CYP27C1: variants seen among roughly 807,000 people sequenced by gnomAD.
The protein encoded by CYP27C1 is cytochrome P450 family 27 subfamily C member 1.
CYP27C1 carries 29 observed loss-of-function variants against 40.6 expected under a neutral mutation model. The ratio of observed to expected loss-of-function variants is 0.71; its 90% CI spans 0.53 to 0.97. The LOEUF (loss-of-function observed/expected upper bound fraction) is 0.97. CYP27C1 is among the 50% of genes least tolerant of loss of function. The pLI is 0.00. For synonymous variants in CYP27C1, 198 were observed against 186.8 expected, an observed-to-expected ratio of 1.06 and a Z score of -0.49; for missense variants, 390 against 485.8, an observed-to-expected ratio of 0.80 and a Z score of 1.85.
chr2:127,205,714 G>A (rs912401672), intron 2 of CYP27C1, 186 bp downstream of exon 2: 31 of 985,424 alleles, frequency 3.1e-5, no homozygotes, highest in Middle Eastern at 5.2e-4. Flanking sequence ...GCACGGAGGA[G>A]GAGCCAGAAA....
In CYP27C1 at chr2:127,218,785, C is replaced by A. The variant is rs932382660; in HGVS notation, c.282+1204G>T. On this transcript the variant is annotated intron_variant, in intron 1 of 8. Coordinates refer to ENST00000664447, the MANE Select transcript of CYP27C1 (RefSeq NM_001367502.1). The surrounding 1 kb of genome is among the most constrained non-coding windows in gnomAD (Gnocchi z 6.0). ...AGAAGGGGGCGTTCTCGGAAGACAC[C>A]AAAAGCCCCCATACCAGAAATAACA... Among the ~76,000 whole-genome samples the A allele has an allele frequency of 2.4e-4, 36 of 152,146 alleles. 1 individual carries two copies. Among genetic ancestry groups the A allele is most frequent in the African/African-American group, 8.7e-4 (36 of 41,442 alleles).
chr2:127,193,913 A>G (rs1682844451), intron 6 of CYP27C1, 46 bp from the exon 7 acceptor site: 4 of 1,604,332 alleles, frequency 2.5e-6, no homozygotes, highest in Non-Finnish European at 3.4e-6. Context: ...TGACTTTCAC[A>G]GTATTTTATT....
chr2:127,211,963 C>A (rs1683347029), intron 1 of CYP27C1, among the ~76,000 whole-genome samples: 1 of 151,904 alleles, frequency 6.6e-6, no homozygotes, highest in Non-Finnish European at 1.5e-5. Context: ...CAAATAGACA[C>A]AATAAAAAAT....
At position 127,195,287 on chromosome 2, in the gene CYP27C1, G is replaced by C; in HGVS notation, c.1214+48C>G. 6.2e-7 allele frequency: 1 copy of C among 1,610,956 alleles called. No homozygotes were observed. The highest frequency in any genetic ancestry group is 8.5e-7 in the Non-Finnish European group (1 of 1,178,196). On this transcript the variant is annotated intron_variant, in intron 6 of 8. Transcript: ENST00000664447. This position sits in a 1 kb window ranked among gnomAD's most constrained non-coding sequence, Gnocchi z 6.2. ...GAGGACTTGTTGTGATAGAGAACCA[G>C]GGACCTAAGGGACACAGTTTGTTGA...
Position 127,200,013 on chromosome 2 carries a change from T to C in CYP27C1, c.884-474A>G, listed in dbSNP as rs1409931427. On this transcript the variant is annotated intron_variant, in intron 4 of 8. Transcript: ENST00000664447. This position sits in a 1 kb window ranked among gnomAD's most constrained non-coding sequence, Gnocchi z 4.2. ...TTGTTTCCTTAAGACAGAGGCTCGC[T>C]CTGTGGCCCAGGCTGGAGTGCAGTG... is the stretch of plus-strand genomic sequence containing the variant. Among the ~76,000 whole-genome samples the C allele has an allele frequency of 1.3e-5, 2 of 152,202 alleles. No homozygotes were observed. The highest frequency in any genetic ancestry group is 6.5e-5 in the Admixed American group (1 of 15,282).
At chr2:127,211,507 C>G (rs371760010) in intron 1 of CYP27C1, among the ~76,000 whole-genome samples, 1 of 151,412 alleles carries the variant, frequency 6.6e-6, no homozygotes, top group Non-Finnish European at 1.5e-5. Flanking sequence ...CTCAACCTCC[C>G]GAGTAGCTGG....
rs1682587120 is a variant in CYP27C1, at chr2:127,184,991, T to C, written c.*2280A>G. 1 of 152,214 alleles carries C rather than the reference T, an allele frequency of 6.6e-6. No individual in the cohort carries two copies. The highest frequency in any genetic ancestry group is 6.6e-5 in the Admixed American group (1 of 15,262). The allele number at this position is 152,214 out of a possible 1,614,324, so 9.4% of individuals were successfully genotyped here. On this transcript the variant is annotated 3_prime_UTR_variant, in exon 9 of 9. Coordinates refer to ENST00000664447, the MANE Select transcript of CYP27C1 (RefSeq NM_001367502.1). ...TGCACCACCACACTCAGCTAAGTTT[T>C]TTGATTTTTAGTAGACAGGATCTCA...
intron 2 of CYP27C1, among the ~76,000 whole-genome samples, chr2:127,204,137 GC>G (rs1683102107): frequency 6.6e-6 from 1 of 151,184 alleles, no homozygotes; most frequent in Admixed American, 6.6e-5. Context: ...GTGGTGGTGG[GC>G]ACCTGTAATT....
At chr2:127,204,468 G>GA (rs1558930964) in intron 2 of CYP27C1, among the ~76,000 whole-genome samples, 1 of 58,630 alleles carries the variant, frequency 1.7e-5, no homozygotes, top group Non-Finnish European at 3.4e-5. Context: ...AAGAAAGAAA[G>GA]AAAGAAAGAA....
At chr2:127,203,304 G>T in intron 3 of CYP27C1, 68 bp downstream of exon 3, 1 of 1,541,564 alleles carries the variant, frequency 6.5e-7, no homozygotes, top group South Asian at 1.2e-5. Flanking sequence ...AATGATCCAA[G>T]ATGACATCTG....
chr2:127,206,916 C>T (rs1056178870), intron 1 of CYP27C1, among the ~76,000 whole-genome samples: 4 of 152,148 alleles, frequency 2.6e-5, no homozygotes, highest in Non-Finnish European at 4.4e-5. Flanking sequence ...GAAAATCCTA[C>T]GGAACCTACT....
chr2:127,194,831 A>C (rs2104678700), intron 6 of CYP27C1, among the ~76,000 whole-genome samples: 1 of 150,644 alleles, frequency 6.6e-6, no homozygotes, highest in South Asian at 2.1e-4. Context: ...ACTGCTCCAA[A>C]GATCTTTTTT....
At chr2:127,187,741 C>T (rs996441812) in intron 8 of CYP27C1, among the ~76,000 whole-genome samples, 1 of 152,154 alleles carries the variant, frequency 6.6e-6, no homozygotes, top group African/African-American at 2.4e-5. Context: ...ATCAAAGGAG[C>T]AGGGGGAAAT....
At chr2:127,189,635 A>AAAG (rs1553501651) in intron 8 of CYP27C1, among the ~76,000 whole-genome samples, 4 of 152,008 alleles carry the variant, frequency 2.6e-5, no homozygotes, top group South Asian at 2.1e-4. Flanking sequence ...AAAAAAAAAA[A>AAAG]AAAGAAAGGC....
chr2:127,218,492 T>C lies in CYP27C1; in HGVS notation c.282+1497A>G, dbSNP rs1440216764. 2.6e-5 allele frequency among the ~76,000 whole-genome samples: 4 copies of C among 152,100 alleles called. No individual in the cohort carries two copies. The highest frequency in any genetic ancestry group is 6.5e-5 in the Admixed American group (1 of 15,272). On this transcript the variant is annotated intron_variant, in intron 1 of 8. Transcript: ENST00000664447. This position sits in a 1 kb window ranked among gnomAD's most constrained non-coding sequence, Gnocchi z 6.0. ...GGTGGCGGTTTGGAACTGTATAGGGTTGGCGTGGCGGACTTGAGGAGGGAC... is the reference window on the plus strand; with the variant it reads ...GGTGGCGGTTTGGAACTGTATAGGGCTGGCGTGGCGGACTTGAGGAGGGAC...
intron 1 of CYP27C1, among the ~76,000 whole-genome samples, chr2:127,214,124 T>C (rs1055811408): frequency 3.3e-5 from 5 of 152,220 alleles, no homozygotes; most frequent in Non-Finnish European, 7.3e-5. Context: ...CACAATGAGA[T>C]ACCATCTCAC....
chr2:127,187,695 T>C (rs574219047), intron 8 of CYP27C1, among the ~76,000 whole-genome samples: 3 of 152,138 alleles, frequency 2.0e-5, no homozygotes, highest in Non-Finnish European at 4.4e-5. Context: ...AAATTCTAAC[T>C]CTTTTGCTTC....
chr2:127,217,928 C>A (rs948219911), intron 1 of CYP27C1, among the ~76,000 whole-genome samples: 1 of 152,112 alleles, frequency 6.6e-6, no homozygotes, highest in Admixed American at 6.5e-5. Flanking sequence ...AGGTGAGAGT[C>A]CCCACAAGTA....
In CYP27C1 at chr2:127,193,275, T is replaced by C. The variant is rs757287610; in HGVS notation, c.1316A>G (p.Tyr439Cys). ...PKGTQLALCH[Y>C]ATSYQDENFP... Reference sequence around the variant, plus strand: ...GTTCTCATCCTGGTACGATGTGGCATAGTGGCAAAGGGCCAGCTGGGTCTG... The same window carrying C: ...GTTCTCATCCTGGTACGATGTGGCACAGTGGCAAAGGGCCAGCTGGGTCTG... The change falls in exon 8 of 9, where the codon TAT becomes TGT. Residue 439 changes from tyrosine (Y) to cysteine (C), a missense_variant. Physicochemically the swap from Tyr to Cys is radical, Grantham distance 194. Transcript: ENST00000664447. The C allele has an allele frequency of 3.7e-6, 6 of 1,614,186 alleles. No homozygotes were observed. The East Asian group carries it at 1.1e-4, about 30-fold the overall frequency.
Sources: allele counts gnomAD v4.1 joint callset (sites outside exome capture counted in the v4.1 genomes callset), GRCh38; gene constraint gnomAD v4.1.1; non-coding constraint Gnocchi (gnomAD v3.1); transcripts MANE v1.5; gene names NCBI Gene and HGNC (gene_info 2026-07-23, HGNC 2026-07-21).